Variants in KIAA1671 observed in about 807,000 individuals in gnomAD.
The protein encoded by KIAA1671 is KIAA1671.
KIAA1671 carries 52 observed loss-of-function variants against 131.2 expected under a neutral mutation model. The ratio of observed to expected loss-of-function variants is 0.40; its 90% CI spans 0.32 to 0.50. The LOEUF (loss-of-function observed/expected upper bound fraction) is 0.50. Ranked by LOEUF, KIAA1671 falls within the 20% of genes least tolerant of loss-of-function variation. The pLI is 0.73. For missense variants in KIAA1671, 2,360 were observed against 2,364.2 expected (o/e 1.00, Z 0.04); for synonymous variants, 1,003 against 961.6 (o/e 1.04, Z -0.80).
intron 1 of KIAA1671, among the ~76,000 whole-genome samples, chr22:24,978,920 G>A (rs1244280268): frequency 6.6e-6 from 1 of 151,884 alleles, no homozygotes; most frequent in Non-Finnish European, 1.5e-5. Flanking sequence ...CCTGACCTCA[G>A]GTGATGCTCC....
intron 1 of KIAA1671, among the ~76,000 whole-genome samples, chr22:24,997,744 A>G (rs1263694111): frequency 6.6e-6 from 1 of 152,182 alleles, no homozygotes; most frequent in African/African-American, 2.4e-5. Context: ...TACATACAGG[A>G]AAGTACACAC....
At chr22:25,108,304 A>G (rs1931137022) in intron 6 of KIAA1671, among the ~76,000 whole-genome samples, 1 of 152,194 alleles carries the variant, frequency 6.6e-6, no homozygotes, top group Non-Finnish European at 1.5e-5. Flanking sequence ...TCTGTTAAAA[A>G]GCTGTGTGCC....
At chr22:25,044,300 G>T (rs974032602) in intron 5 of KIAA1671, among the ~76,000 whole-genome samples, 1 of 152,198 alleles carries the variant, frequency 6.6e-6, no homozygotes, top group African/African-American at 2.4e-5. Flanking sequence ...GGCCATCCCC[G>T]TGTGCTTCCT....
chr22:25,111,505 G>A (rs1281029012), intron 6 of KIAA1671, among the ~76,000 whole-genome samples: 1 of 152,220 alleles, frequency 6.6e-6, no homozygotes, highest in Non-Finnish European at 1.5e-5. Flanking sequence ...ATCCCGGGCT[G>A]CTCAGCCAGG....
chr22:24,987,755 C>T (rs979534546), intron 1 of KIAA1671, among the ~76,000 whole-genome samples: 3 of 152,202 alleles, frequency 2.0e-5, no homozygotes, highest in Non-Finnish European at 4.4e-5. Flanking sequence ...CCAATCCTGG[C>T]TAAATGACAG....
At chr22:25,052,632 G>A (rs1288014235) in intron 6 of KIAA1671, 5 of 151,950 alleles carry the variant, frequency 3.3e-5, no homozygotes, top group Non-Finnish European at 7.4e-5. Flanking sequence ...CCGGTGGGAG[G>A]ACAGAGCCCA....
intron 11 of KIAA1671, among the ~76,000 whole-genome samples, chr22:25,190,251 G>T (rs1934626230): frequency 6.6e-6 from 1 of 152,112 alleles, no homozygotes; most frequent in Non-Finnish European, 1.5e-5. Flanking sequence ...CTCATGAGAA[G>T]CTCGCAACCT....
At chr22:25,185,429 C>T (rs1331528298) in intron 11 of KIAA1671, 3 of 295,042 alleles carry the variant, frequency 1.0e-5, no homozygotes, top group Non-Finnish European at 6.2e-6. Context: ...CTCTCCAGAC[C>T]GATGGGGAAA....
At chr22:25,159,812 C>T (rs1044547974) in intron 6 of KIAA1671, among the ~76,000 whole-genome samples, 4 of 152,184 alleles carry the variant, frequency 2.6e-5, no homozygotes, top group African/African-American at 9.7e-5. Context: ...TGCAATACAT[C>T]AGAGCATCAG....
chr22:25,046,788 A>G (rs1927259350), intron 5 of KIAA1671, among the ~76,000 whole-genome samples: 1 of 152,156 alleles, frequency 6.6e-6, no homozygotes, highest in Admixed American at 6.5e-5. Flanking sequence ...TATGGGAGTA[A>G]CACAGGGAAT....
rs1007652944 is a variant in KIAA1671 at position 25,029,523 on chromosome 22, G to A, written c.1524G>A (p.Ser508=). ...RRRTFQARPL[S]ADLTKLFSSS... is the part of the protein sequence containing the mutation. ...GGACGTTCCAGGCTCGGCCGCTGTC[G>A]GCGGATTTGACCAAATTGTAAGTAG... Residue 508 remains serine, a synonymous_variant, in exon 3 of 13, where the codon TCG becomes TCA. Coordinates refer to ENST00000358431, the MANE Select transcript of KIAA1671 (RefSeq NM_001145206.2). 3.3e-5 allele frequency: 51 copies of A among 1,543,264 alleles called. No homozygotes were observed. Among genetic ancestry groups the A allele is most frequent in the Middle Eastern group, 3.3e-4 (2 of 5,990 alleles).
At chr22:25,032,061 G>C (rs1926324630) in intron 3 of KIAA1671, among the ~76,000 whole-genome samples, 2 of 152,318 alleles carry the variant, frequency 1.3e-5, no homozygotes, top group South Asian at 4.1e-4. Context: ...GGCCCAAAGA[G>C]GGCCCTGGTG....
chr22:25,151,897 C>T (rs1012094883), intron 6 of KIAA1671, among the ~76,000 whole-genome samples: 9 of 152,092 alleles, frequency 5.9e-5, no homozygotes, highest in African/African-American at 2.2e-4. Flanking sequence ...AGCCACCACG[C>T]CCGGCTAGTT....
At chr22:25,105,016 T>C (rs547795897) in intron 6 of KIAA1671, among the ~76,000 whole-genome samples, 18 of 151,604 alleles carry the variant, frequency 1.2e-4, no homozygotes, top group Admixed American at 1.1e-3. Flanking sequence ...TCTCTTTCTT[T>C]CTTTCCTTCC....
intron 6 of KIAA1671, among the ~76,000 whole-genome samples, chr22:25,084,889 G>A (rs1929623495): frequency 6.6e-6 from 1 of 152,214 alleles, no homozygotes; most frequent in Non-Finnish European, 1.5e-5. Context: ...ACTGAAACAC[G>A]GCCACTCCTG....
At position 25,004,838 on chromosome 22, in the gene KIAA1671, C is replaced by T. The variant is rs533515340; in HGVS notation, c.-207-20795C>T. 1.6e-3 allele frequency among the ~76,000 whole-genome samples: 249 copies of T among 151,132 alleles called. 2 individuals carry two copies. The highest frequency in any genetic ancestry group is 5.3e-3 in the African/African-American group (219 of 41,168). ...GCGGGCACCTGTAGTCCCAGCTACT[C>T]GGGAGGCTGAGGCAGGAGAATGGCG... is the stretch of plus-strand genomic sequence containing the variant. On this transcript the variant is annotated intron_variant, in intron 1 of 12. Transcript: ENST00000358431.
chr22:24,981,898 CTCTG>C (rs1425138040), intron 1 of KIAA1671, among the ~76,000 whole-genome samples: 1 of 152,168 alleles, frequency 6.6e-6, no homozygotes, highest in East Asian at 1.9e-4. Context: ...CACAGCAAAA[CTCTG>C]TCTAACATAA....
At chr22:25,002,256 A>T (rs370453433) in intron 1 of KIAA1671, among the ~76,000 whole-genome samples, 1 of 152,170 alleles carries the variant, frequency 6.6e-6, no homozygotes, top group African/African-American at 2.4e-5. Flanking sequence ...GAAGCTGAGC[A>T]TGTTCAGCTG....
At chr22:25,142,677 G>A (rs1267029157) in intron 6 of KIAA1671, among the ~76,000 whole-genome samples, 1 of 152,154 alleles carries the variant, frequency 6.6e-6, no homozygotes, top group Non-Finnish European at 1.5e-5. Context: ...TTCGAGACCA[G>A]CCTGACTGAT....
Sources: gnomAD v4.1 joint callset for allele counts (sites outside exome capture counted in the v4.1 genomes callset) on GRCh38, gnomAD v4.1.1 for gene constraint, MANE v1.5 for transcripts, NCBI Gene and HGNC (gene_info 2026-07-23, HGNC 2026-07-21) for gene names.